SEMA5A: variants seen among roughly 807,000 people sequenced by gnomAD.
The protein encoded by SEMA5A is semaphorin-5A.
In SEMA5A, 55 loss-of-function variants were observed where a neutral mutation model predicts 135.5. The ratio of observed to expected loss-of-function variants is 0.41; its 90% CI spans 0.33 to 0.51. SEMA5A has a LOEUF of 0.51. Among genes scored for constraint, SEMA5A ranks in the 20% least tolerant of loss-of-function variants. The probability of loss-of-function intolerance (pLI) is 0.37; values close to 1 mark genes in which losing one functional copy is unlikely to be tolerated. For missense variants in SEMA5A, 1,290 were observed against 1,419.9 expected, an observed-to-expected ratio of 0.91 and a Z score of 1.47; for synonymous variants, 580 against 546.5, an observed-to-expected ratio of 1.06 and a Z score of -0.85.
intron 15 of SEMA5A, among the ~76,000 whole-genome samples, chr5:9,112,474 C>T (rs1464391718): frequency 2.6e-5 from 4 of 152,166 alleles, no homozygotes; most frequent in African/African-American, 9.7e-5. Flanking sequence ...AATGATCAGC[C>T]CTCTACTGGG....
chr5:9,242,839 G>A (rs1748277816), intron 5 of SEMA5A, among the ~76,000 whole-genome samples: 1 of 152,112 alleles, frequency 6.6e-6, no homozygotes, highest in Admixed American at 6.6e-5. Context: ...TCGCATTAGA[G>A]TCATATCATC....
chr5:9,306,922 G>T (rs1751898188), intron 5 of SEMA5A, among the ~76,000 whole-genome samples: 1 of 152,146 alleles, frequency 6.6e-6, no homozygotes, highest in Non-Finnish European at 1.5e-5. Flanking sequence ...TTCAAATGGT[G>T]CTTGGCAATT....
intron 2 of SEMA5A, among the ~76,000 whole-genome samples, chr5:9,425,189 C>A (rs1243204755): frequency 1.4e-5 from 2 of 145,418 alleles, no homozygotes; most frequent in African/African-American, 5.2e-5. Flanking sequence ...TCACATGAAC[C>A]CATCTGAATT....
chr5:9,421,459 T>C (rs1757465507), intron 2 of SEMA5A, among the ~76,000 whole-genome samples: 1 of 152,224 alleles, frequency 6.6e-6, no homozygotes, highest in Non-Finnish European at 1.5e-5. Context: ...TGCCCTTATA[T>C]ATGTATGCTG....
Position 9,243,113 on chromosome 5 carries a change from G to A in SEMA5A, c.271-5223C>T, listed in dbSNP as rs59404752. Among the ~76,000 whole-genome samples, 383 of 152,292 alleles carry A rather than the reference G, an allele frequency of 2.5e-3. 2 individuals carry two copies. Among genetic ancestry groups the A allele is most frequent in the African/African-American group, 8.3e-3 (343 of 41,560 alleles). ...TGTATTCATTCCCTAGAGCTGTTGTGAGAAACTACCACAAACCAGGTGGCT... is the reference window on the plus strand; with the variant it reads ...TGTATTCATTCCCTAGAGCTGTTGTAAGAAACTACCACAAACCAGGTGGCT... On this transcript the variant is annotated intron_variant, in intron 5 of 22. Coordinates refer to ENST00000382496, the MANE Select transcript of SEMA5A (RefSeq NM_003966.3).
At chr5:9,187,476 G>A (rs1449250852) in intron 11 of SEMA5A, among the ~76,000 whole-genome samples, 1 of 152,134 alleles carries the variant, frequency 6.6e-6, no homozygotes, top group Non-Finnish European at 1.5e-5. Context: ...GTTTGGAGCA[G>A]GGTTTGTGTT....
At chr5:9,255,719 T>G (rs1045843817) in intron 5 of SEMA5A, among the ~76,000 whole-genome samples, 2 of 152,160 alleles carry the variant, frequency 1.3e-5, no homozygotes, top group African/African-American at 2.4e-5. Context: ...CCTTCCTCCT[T>G]GGGTAATATT....
chr5:9,457,604 T>C (rs576643108), intron 1 of SEMA5A, among the ~76,000 whole-genome samples: 5 of 152,176 alleles, frequency 3.3e-5, no homozygotes, highest in Non-Finnish European at 5.9e-5. Flanking sequence ...TGTGCCTCCT[T>C]GCTTAATATA....
chr5:9,507,041 A>G (rs538911571), intron 1 of SEMA5A, among the ~76,000 whole-genome samples: 12 of 152,382 alleles, frequency 7.9e-5, no homozygotes, highest in African/African-American at 2.6e-4. Context: ...CTTGTTAGAA[A>G]GGAGGTGCCA....
chr5:9,223,435 G>A (rs969928551), intron 8 of SEMA5A, among the ~76,000 whole-genome samples: 5 of 152,166 alleles, frequency 3.3e-5, no homozygotes, highest in African/African-American at 9.6e-5. Context: ...AGGGGGTACT[G>A]AAAAATTGCT....
intron 5 of SEMA5A, among the ~76,000 whole-genome samples, chr5:9,239,708 A>T (rs1748099868): frequency 6.6e-6 from 1 of 152,016 alleles, no homozygotes; most frequent in South Asian, 2.1e-4. Flanking sequence ...TTGATTGTGT[A>T]TTGCCAGAGG....
intron 15 of SEMA5A, among the ~76,000 whole-genome samples, chr5:9,108,890 G>GA (rs141134259): frequency 0.12 from 17,532 of 151,916 alleles, 1,532 homozygotes; most frequent in East Asian, 0.32. Context: ...AAAAAGAATT[G>GA]ATTATACAAT....
At chr5:9,231,679 G>A (rs1747641188) in intron 6 of SEMA5A, among the ~76,000 whole-genome samples, 1 of 152,088 alleles carries the variant, frequency 6.6e-6, no homozygotes, top group East Asian at 1.9e-4. Context: ...TAGAGGTAGA[G>A]TCACAATGTA....
intron 1 of SEMA5A, among the ~76,000 whole-genome samples, chr5:9,509,133 G>A (rs1306384049): frequency 5.1e-5 from 4 of 78,982 alleles, no homozygotes; most frequent in African/African-American, 2.1e-4. Flanking sequence ...ACAAGGGGAA[G>A]GCAGGTGTCC....
At chr5:9,097,574 A>G (rs751745575) in intron 16 of SEMA5A, among the ~76,000 whole-genome samples, 19 of 152,210 alleles carry the variant, frequency 1.2e-4, no homozygotes, top group Non-Finnish European at 2.2e-4. Flanking sequence ...CCTCTGCAAT[A>G]TGGAACCTAC....
In SEMA5A at chr5:9,515,903, G is replaced by A. The variant is rs570238676; in HGVS notation, c.-175+29681C>T. ...AGGACATCTCACTTCTCCATCAACT[G>A]CCACCCACGTAGCACCTCATAAATG... On this transcript the variant is annotated intron_variant, in intron 1 of 22. Transcript: ENST00000382496. Among the ~76,000 whole-genome samples the A allele has an allele frequency of 9.2e-5, 14 of 152,296 alleles. No individual in the cohort carries two copies. In the South Asian group the frequency reaches 2.9e-3, roughly 32 times the overall value.
Position 9,035,956 on chromosome 5 carries a change from T to TTA in SEMA5A, c.*6940_*6941insTA, listed in dbSNP as rs1183395917. 2 of 27,150 alleles carry TTA rather than the reference T, an allele frequency of 7.4e-5. No homozygotes were observed. Among genetic ancestry groups the TTA allele is most frequent in the African/African-American group, 1.4e-4 (1 of 7,172 alleles). The allele number at this position is 27,150 out of a possible 1,614,324, so 1.7% of individuals were successfully genotyped here. On this transcript the variant is annotated 3_prime_UTR_variant, in exon 23 of 23. Transcript: ENST00000382496. The stretch of plus-strand genomic sequence containing the variant: ...GGCTGAAATTGGCTTTGGAGGAGTT[T>TTA]CACAAAAAAAAAAAAAAAAAAAAAT...
intron 21 of SEMA5A, among the ~76,000 whole-genome samples, chr5:9,047,267 C>T (rs1406040556): frequency 6.6e-6 from 1 of 152,188 alleles, no homozygotes; most frequent in Non-Finnish European, 1.5e-5. Context: ...ATGATAGTCT[C>T]CATATGCAGA....
intron 1 of SEMA5A, among the ~76,000 whole-genome samples, chr5:9,508,073 C>A (rs1017211844): frequency 1.3e-5 from 2 of 151,810 alleles, no homozygotes; most frequent in African/African-American, 4.8e-5. Flanking sequence ...ATTTCCAGAA[C>A]GTGATCATAG....
Sources: gnomAD v4.1 joint callset for allele counts (sites outside exome capture counted in the v4.1 genomes callset) on GRCh38, gnomAD v4.1.1 for gene constraint, MANE v1.5 for transcripts, NCBI Gene and HGNC (gene_info 2026-07-23, HGNC 2026-07-21) for gene names.